Variants in SCRG1 observed in about 807,000 individuals in gnomAD.
SCRG1 encodes the protein scrapie-responsive protein 1.
A neutral mutation model predicts 7.7 loss-of-function variants in SCRG1; 3 were observed. The observed-to-expected ratio is 0.39, with a 90% CI of 0.18 to 1.01. The LOEUF is 1.01. SCRG1 is among the 50% of genes least tolerant of loss of function. The pLI is 0.36. For synonymous variants in SCRG1, 46 were observed against 41.2 expected (o/e 1.12, Z -0.44); for missense variants, 110 against 117.2 (o/e 0.94, Z 0.28).
the SCRG1 span, among the ~76,000 whole-genome samples, chr4:173,441,655 C>T: frequency 4.7e-4 from 72 of 152,224 alleles, no homozygotes; most frequent in East Asian, 9.1e-3. Context: ...ATGTGTAAAC[C>T]ACTGTGCTAG....
At chr4:173,449,495 G>T in the SCRG1 span, among the ~76,000 whole-genome samples, 1 of 126,592 alleles carries the variant, frequency 7.9e-6, no homozygotes, top group South Asian at 2.5e-4. Flanking sequence ...AGCTGGCCTT[G>T]TCACAAAGTC....
the SCRG1 span, among the ~76,000 whole-genome samples, chr4:173,473,617 A>G: frequency 6.6e-6 from 1 of 151,950 alleles, no homozygotes; most frequent in Non-Finnish European, 1.5e-5. Context: ...AAAGAAGGGA[A>G]CTCTGTGCAT....
At chr4:173,484,542 T>TAC in the SCRG1 span, among the ~76,000 whole-genome samples, 551 of 80,050 alleles carry the variant, frequency 6.9e-3, no homozygotes, top group South Asian at 0.017. Flanking sequence ...ATATATTATG[T>TAC]ATATTTTATA....
chr4:173,502,849 C>T, the SCRG1 span, among the ~76,000 whole-genome samples: 1 of 152,232 alleles, frequency 6.6e-6, no homozygotes, highest in Non-Finnish European at 1.5e-5. The surrounding 1 kb of genome is among the most constrained non-coding windows in gnomAD (Gnocchi z 4.6). Context: ...CCCAGGTGCA[C>T]TCTGGCTGCA....
the SCRG1 span, among the ~76,000 whole-genome samples, chr4:173,432,753 A>G: frequency 3.9e-5 from 6 of 152,228 alleles, no homozygotes; most frequent in African/African-American, 1.4e-4. Flanking sequence ...CTTCTTGAGT[A>G]GAAATACAGC....
chr4:173,510,793 C>A, the SCRG1 span, among the ~76,000 whole-genome samples: 1 of 152,156 alleles, frequency 6.6e-6, no homozygotes, highest in South Asian at 2.1e-4. The surrounding 1 kb of genome is among the most constrained non-coding windows in gnomAD (Gnocchi z 5.7). Context: ...TCTCCAGGAT[C>A]CAAGCAAAGT....
At chr4:173,453,814 T>C in the SCRG1 span, among the ~76,000 whole-genome samples, 2 of 152,140 alleles carry the variant, frequency 1.3e-5, no homozygotes, top group Non-Finnish European at 2.9e-5. Context: ...TGGTGGCTCA[T>C]GCCTGTAAAC....
the SCRG1 span, among the ~76,000 whole-genome samples, chr4:173,457,427 TA>T: frequency 1.3e-5 from 2 of 152,218 alleles, no homozygotes; most frequent in Non-Finnish European, 2.9e-5. Flanking sequence ...TTTGTTGTTC[TA>T]AAAAGAAAAG....
the SCRG1 span, among the ~76,000 whole-genome samples, chr4:173,473,660 C>A: frequency 1.6e-4 from 24 of 152,130 alleles, no homozygotes; most frequent in African/African-American, 5.8e-4. Context: ...GTCGTAGGTG[C>A]AGGACAATTG....
chr4:173,518,061 T>C, the SCRG1 span, among the ~76,000 whole-genome samples: 5 of 152,346 alleles, frequency 3.3e-5, no homozygotes, highest in Middle Eastern at 3.4e-3. Flanking sequence ...CCCTAGTATC[T>C]TGAAGAAAAA....
At chr4:173,465,022 T>A in the SCRG1 span, among the ~76,000 whole-genome samples, 40 of 152,172 alleles carry the variant, frequency 2.6e-4, 1 homozygote, top group Non-Finnish European at 8.8e-5. Context: ...TCCACTTATA[T>A]CAAGTACCTA....
At chr4:173,494,011 G>T in the SCRG1 span, among the ~76,000 whole-genome samples, 2 of 152,142 alleles carry the variant, frequency 1.3e-5, no homozygotes, top group East Asian at 3.8e-4. Flanking sequence ...ACTGAAATGC[G>T]TGCCTTCTAG....
intron 1 of SCRG1, among the ~76,000 whole-genome samples, chr4:173,391,870 C>T (rs1270469731): frequency 6.6e-6 from 1 of 152,170 alleles, no homozygotes; most frequent in Non-Finnish European, 1.5e-5. Context: ...CATGATTGTG[C>T]CACTGCTCTA....
rs2126910861 is a variant in SCRG1, at chr4:173,386,985, A to G, written c.*1356T>C. Reference sequence around the variant, plus strand: ...GGCAATATGAGTCACATACCTCTTAAGTTATGGGGCATAATCCAAAGCTGT... The same window carrying G: ...GGCAATATGAGTCACATACCTCTTAGGTTATGGGGCATAATCCAAAGCTGT... On this transcript the variant is annotated 3_prime_UTR_variant, in exon 3 of 3. Coordinates refer to ENST00000296506, the MANE Select transcript of SCRG1 (RefSeq NM_007281.4). 1 of 152,304 alleles carries G rather than the reference A, an allele frequency of 6.6e-6. No homozygotes were observed. The highest frequency in any genetic ancestry group is 1.9e-4 in the East Asian group (1 of 5,192). 9.4% of individuals were successfully genotyped at this position (152,304 alleles called of 1,614,324 possible).
chr4:173,444,319 G>A, the SCRG1 span, among the ~76,000 whole-genome samples: 1 of 152,268 alleles, frequency 6.6e-6, no homozygotes, highest in East Asian at 1.9e-4. Flanking sequence ...AGTAGTCATT[G>A]TGGTTGACTT....
the SCRG1 span, among the ~76,000 whole-genome samples, chr4:173,511,096 A>G: frequency 6.6e-6 from 1 of 152,114 alleles, no homozygotes; most frequent in Non-Finnish European, 1.5e-5. This position sits in a 1 kb window ranked among gnomAD's most constrained non-coding sequence, Gnocchi z 5.2. Flanking sequence ...CCTCTGGAGT[A>G]GCTGGGACTA....
At chr4:173,501,502 C>T in the SCRG1 span, among the ~76,000 whole-genome samples, 1 of 152,186 alleles carries the variant, frequency 6.6e-6, no homozygotes, top group Non-Finnish European at 1.5e-5. This position sits in a 1 kb window ranked among gnomAD's most constrained non-coding sequence, Gnocchi z 5.1. Flanking sequence ...CCCTGGCTCC[C>T]CTTGGACTCT....
At chr4:173,402,749 C>T (rs1739793802), upstream of SCRG1, among the ~76,000 whole-genome samples, 1 of 152,162 alleles carries the variant, frequency 6.6e-6, no homozygotes, top group Admixed American at 6.5e-5. Context: ...CCAAGGCTGG[C>T]AGTATGGGGA....
chr4:173,397,324 C>CT (rs201900814), intron 1 of SCRG1, among the ~76,000 whole-genome samples: 13 of 149,084 alleles, frequency 8.7e-5, no homozygotes, highest in Admixed American at 1.3e-4. Flanking sequence ...GAAAATTGGT[C>CT]TTTTTTTTTT....
Sources: gnomAD v4.1 joint callset for allele counts (sites outside exome capture counted in the v4.1 genomes callset) on GRCh38, gnomAD v4.1.1 for gene constraint, Gnocchi (gnomAD v3.1) non-coding constraint, MANE v1.5 for transcripts, NCBI Gene and HGNC (gene_info 2026-07-23, HGNC 2026-07-21) for gene names.